Variants in PCDHA10 observed in about 807,000 individuals in gnomAD.
PCDHA10 encodes the protein protocadherin alpha-10.
A neutral mutation model predicts 61.2 loss-of-function variants in PCDHA10; 45 were observed. The ratio of observed to expected loss-of-function variants is 0.74; its 90% confidence interval spans 0.58 to 0.94. PCDHA10 has a LOEUF of 0.94. Ranked by LOEUF, PCDHA10 falls within the 40% of genes least tolerant of loss-of-function variation. The pLI, the probability that PCDHA10 is intolerant of heterozygous loss-of-function variation, is 0.00. For missense variants in PCDHA10, 1,278 were observed against 1,236.2 expected (o/e 1.03, Z -0.51); for synonymous variants, 602 against 548.8 (o/e 1.10, Z -1.35).
intron 1 of PCDHA10, among the ~76,000 whole-genome samples, chr5:140,891,210 G>A (rs2062986388): frequency 1.3e-5 from 2 of 152,180 alleles, no homozygotes; most frequent in South Asian, 4.1e-4. Context: ...TTACCATGCT[G>A]TGTCTTTATA....
intron 1 of PCDHA10, among the ~76,000 whole-genome samples, chr5:140,901,565 G>A (rs1554189898): frequency 6.6e-6 from 1 of 152,062 alleles, no homozygotes; most frequent in African/African-American, 2.4e-5. Context: ...CTATGTGTCT[G>A]TTTTTATGCC....
chr5:140,887,857 G>A lies in PCDHA10; in HGVS notation c.2388+29421G>A, dbSNP rs139840938. Among the ~76,000 whole-genome samples the A allele has an allele frequency of 2.6e-3, 395 of 152,084 alleles. 2 individuals carry two copies. The highest frequency in any genetic ancestry group is 9.3e-3 in the African/African-American group (384 of 41,488). ...TATCTTTTATTGACATATTTTCCAAGTTCACTAATTTTTCCTTTTGTAGTA... is the reference window on the plus strand; with the variant it reads ...TATCTTTTATTGACATATTTTCCAAATTCACTAATTTTTCCTTTTGTAGTA... On this transcript the variant is annotated intron_variant, in intron 1 of 3. Coordinates refer to ENST00000307360, the MANE Select transcript of PCDHA10 (RefSeq NM_018901.4).
At chr5:140,944,089 A>G (rs2093608705) in intron 1 of PCDHA10, among the ~76,000 whole-genome samples, 2 of 152,250 alleles carry the variant, frequency 1.3e-5, no homozygotes, top group Non-Finnish European at 1.5e-5. Context: ...AGGCCTGAGT[A>G]AGTTTATATC....
At chr5:140,941,508 G>A (rs1296025812) in intron 1 of PCDHA10, among the ~76,000 whole-genome samples, 1 of 151,286 alleles carries the variant, frequency 6.6e-6, no homozygotes, top group African/African-American at 2.4e-5. Flanking sequence ...GTAGAGACGA[G>A]GTTTCACCAT....
At chr5:140,961,193 G>C (rs1297758288) in intron 1 of PCDHA10, among the ~76,000 whole-genome samples, 1 of 152,124 alleles carries the variant, frequency 6.6e-6, no homozygotes, top group Non-Finnish European at 1.5e-5. Context: ...CAGGACCCTA[G>C]TGAGGTTGGT....
intron 1 of PCDHA10, chr5:140,969,211 A>T: frequency 6.2e-7 from 1 of 1,614,206 alleles, no homozygotes; most frequent in Non-Finnish European, 8.5e-7. Context: ...GGGCCCAGAC[A>T]GGACCAGGGC....
At chr5:140,883,018 G>A (rs1400637236) in intron 1 of PCDHA10, 4 of 1,614,086 alleles carry the variant, frequency 2.5e-6, no homozygotes, top group Admixed American at 1.7e-5. Flanking sequence ...ATAAAGTGAC[G>A]GTGTTAGAGA....
rs781902121 is a variant in PCDHA10 at position 140,870,112 on chromosome 5, G to A, written c.2388+11676G>A. The A allele has an allele frequency of 1.2e-6, 2 of 1,613,938 alleles. No individual in the cohort carries two copies. The highest frequency in any genetic ancestry group is 8.5e-7 in the Non-Finnish European group (1 of 1,179,896). ...AATGGCAGGTCACTGTACAGTCTGG[G>A]TGGAAATCTTGGACACCAACGATAA... On this transcript the variant is annotated intron_variant, in intron 1 of 3. Coordinates refer to ENST00000307360, the MANE Select transcript of PCDHA10 (RefSeq NM_018901.4).
At position 140,976,656 on chromosome 5, in the gene PCDHA10, C is replaced by T. The variant is rs551402825; in HGVS notation, c.2389-2293C>T. ...AATCAGACAAGTAATTTAATCTCTC[C>T]AAAGTTCAGATGTCTCATTTTTGCA... is the stretch of plus-strand genomic sequence containing the variant. On this transcript the variant is annotated intron_variant, in intron 1 of 3. Transcript: ENST00000307360. Among the ~76,000 whole-genome samples the T allele has an allele frequency of 3.3e-5, 5 of 152,272 alleles. No homozygotes were observed. The South Asian group carries it at 1.0e-3, about 32-fold the overall frequency.
At chr5:140,863,008 T>A (rs782045594) in intron 1 of PCDHA10, 1 of 551,826 alleles carries the variant, frequency 1.8e-6, no homozygotes, top group Non-Finnish European at 3.6e-6. Context: ...ACTCCAGCTA[T>A]GACGCCTGGT....
At chr5:140,877,323 C>A in intron 1 of PCDHA10, 1 of 1,613,988 alleles carries the variant, frequency 6.2e-7, no homozygotes, top group Non-Finnish European at 8.5e-7. Context: ...CGGCGGTCGG[C>A]GCGCACATCC....
chr5:140,973,513 A>G (rs2096591492), intron 1 of PCDHA10, among the ~76,000 whole-genome samples: 1 of 151,864 alleles, frequency 6.6e-6, no homozygotes, highest in Non-Finnish European at 1.5e-5. Context: ...GAAAAAGTTT[A>G]TTTTCTTTGG....
chr5:140,909,494 G>A (rs1554193825), intron 1 of PCDHA10, among the ~76,000 whole-genome samples: 2 of 152,174 alleles, frequency 1.3e-5, no homozygotes, highest in African/African-American at 4.8e-5. Context: ...GAGCTGAACG[G>A]GGATGTGGTG....
chr5:140,884,606 C>T (rs1554181776), intron 1 of PCDHA10: 1 of 1,614,038 alleles, frequency 6.2e-7, no homozygotes, highest in African/African-American at 1.3e-5. Flanking sequence ...TCCTCCTTGT[C>T]TGGGTTCTGC....
At chr5:140,893,104 T>A (rs2063818844) in intron 1 of PCDHA10, among the ~76,000 whole-genome samples, 1 of 152,224 alleles carries the variant, frequency 6.6e-6, no homozygotes, top group South Asian at 2.1e-4. Flanking sequence ...TGGATAATAT[T>A]CCGTTGTGCA....
chr5:140,902,599 G>T (rs981296505), intron 1 of PCDHA10, among the ~76,000 whole-genome samples: 3 of 152,024 alleles, frequency 2.0e-5, no homozygotes, highest in African/African-American at 7.2e-5. Flanking sequence ...GAAACAGGTC[G>T]TTTTCAGTTA....
At chr5:140,936,449 C>A (rs1245206418) in intron 1 of PCDHA10, among the ~76,000 whole-genome samples, 1 of 152,174 alleles carries the variant, frequency 6.6e-6, no homozygotes, top group African/African-American at 2.4e-5. Context: ...ATAACCACAT[C>A]TGTTTAGTGG....
rs377564040 is a variant in PCDHA10, at chr5:140,856,761, C to G, written c.713C>G (p.Ala238Gly). The G allele has an allele frequency of 1.3e-6, 2 of 1,596,598 alleles. No homozygotes were observed. Among genetic ancestry groups the G allele is most frequent in the South Asian group, 2.2e-5 (2 of 90,524 alleles). ...CTGGTGTTAGATGCCAATGATAACG[C>G]CCCTATCTTTGACAGACCGGTTTAT... Reference protein sequence around the residue: ...LILVLDANDNAPIFDRPVYEV... With the variant: ...LILVLDANDNGPIFDRPVYEV... Residue 238 changes from alanine (A) to glycine (G), a missense_variant, in exon 1 of 4, where the codon GCC becomes GGC. Transcript: ENST00000307360.
At chr5:140,983,408 A>G (rs1554245369) in intron 3 of PCDHA10, among the ~76,000 whole-genome samples, 1 of 152,208 alleles carries the variant, frequency 6.6e-6, no homozygotes, top group Non-Finnish European at 1.5e-5. Flanking sequence ...GGGAAGATTA[A>G]GTGTTGGTAG....
Sources: allele counts gnomAD v4.1 joint callset (sites outside exome capture counted in the v4.1 genomes callset), GRCh38; gene constraint gnomAD v4.1.1; transcripts MANE v1.5; gene names NCBI Gene and HGNC (gene_info 2026-07-23, HGNC 2026-07-21).